ZMAT5: variants seen among roughly 807,000 people sequenced by gnomAD.
ZMAT5 encodes the protein zinc finger matrin-type 5, also known as zinc finger matrin-type protein 5.
ZMAT5 carries 23 observed loss-of-function variants against 28.0 expected under a neutral mutation model. That is an observed-to-expected ratio of 0.82 (90% confidence interval 0.59 to 1.16). The LOEUF (loss-of-function observed/expected upper bound fraction) is 1.16. Among genes scored for constraint, ZMAT5 ranks in the 50% most tolerant of loss-of-function variants. The pLI is 0.00. For synonymous variants in ZMAT5, 76 were observed against 84.1 expected, an observed-to-expected ratio of 0.90 and a Z score of 0.52; for missense variants, 173 against 212.7, an observed-to-expected ratio of 0.81 and a Z score of 1.16.
intron 1 of ZMAT5, among the ~76,000 whole-genome samples, chr22:29,762,460 A>G (rs375514019): frequency 2.0e-5 from 3 of 152,174 alleles, no homozygotes; most frequent in African/African-American, 7.2e-5. Context: ...GCCACTCCCC[A>G]TTGCTCGCAT....
intron 1 of ZMAT5, among the ~76,000 whole-genome samples, chr22:29,752,082 A>G (rs976857171): frequency 3.3e-5 from 5 of 152,176 alleles, no homozygotes; most frequent in Non-Finnish European, 7.3e-5. Flanking sequence ...GTGGATTATA[A>G]TCTCATTCAT....
At chr22:29,732,292 C>CA (rs1317102881) in intron 5 of ZMAT5, among the ~76,000 whole-genome samples, 1 of 152,238 alleles carries the variant, frequency 6.6e-6, no homozygotes. Flanking sequence ...GGCAGAGCCT[C>CA]AAAAACATGC....
At chr22:29,735,574 G>A (rs1226536615) in intron 5 of ZMAT5, among the ~76,000 whole-genome samples, 1 of 152,256 alleles carries the variant, frequency 6.6e-6, no homozygotes, top group Admixed American at 6.5e-5. Flanking sequence ...GAGGCAGCCT[G>A]GGGTCTAGAC....
Position 29,731,332 on chromosome 22 carries a change from C to T in ZMAT5, c.406G>A (p.Val136Ile). The T allele has an allele frequency of 6.5e-7, 1 of 1,539,610 alleles. No individual in the cohort carries two copies. Among genetic ancestry groups the T allele is most frequent in the Non-Finnish European group, 8.7e-7 (1 of 1,153,096 alleles). The change falls in exon 6 of 6, where the codon GTC becomes ATC. Residue 136 changes from valine to isoleucine, a missense_variant. Coordinates refer to ENST00000344318, the MANE Select transcript of ZMAT5 (RefSeq NM_001003692.2). Reference protein sequence around the residue: ...SSRAEPIRTTVFQYPVGWPPV... With the variant: ...SSRAEPIRTTIFQYPVGWPPV... ...GGCCAGCCCACGGGGTACTGGAAGA[C>T]AGTGGTTCTGATGGGTTCAGCCCTA...
chr22:29,748,223 C>A lies in ZMAT5; in HGVS notation c.127+195G>T, dbSNP rs1366764621. Reference sequence around the variant, plus strand: ...AGGGCCTTCCTCCTGTCCACAGAGCCTTCAGTCAGCGTTGTTGGGGAAAGA... The same window carrying A: ...AGGGCCTTCCTCCTGTCCACAGAGCATTCAGTCAGCGTTGTTGGGGAAAGA... On this transcript the variant is annotated intron_variant, in intron 2 of 5. Coordinates refer to ENST00000344318, the MANE Select transcript of ZMAT5 (RefSeq NM_001003692.2). 2.2e-5 allele frequency: 16 copies of A among 721,132 alleles called. No individual in the cohort carries two copies. In the East Asian group the frequency reaches 3.0e-4, roughly 14 times the overall value. 44.7% of individuals were successfully genotyped at this position (721,132 alleles called of 1,614,324 possible).
intron 4 of ZMAT5, 144 bp from the exon 5 acceptor site, chr22:29,738,585 G>C: frequency 3.1e-6 from 2 of 648,092 alleles, no homozygotes; most frequent in South Asian, 3.6e-5. Context: ...CACCTGGACT[G>C]CTTCTCCAGG....
intron 2 of ZMAT5, 110 bp downstream of exon 2, chr22:29,748,308 T>C (rs781608421): frequency 2.6e-6 from 4 of 1,533,140 alleles, no homozygotes; most frequent in Non-Finnish European, 3.6e-6. Flanking sequence ...TCTCTTTTGA[T>C]CCTCAAAGAG....
chr22:29,734,640 C>T (rs1240423115), intron 5 of ZMAT5, among the ~76,000 whole-genome samples: 1 of 151,982 alleles, frequency 6.6e-6, no homozygotes, highest in East Asian at 1.9e-4. Context: ...ACAAGTCTGA[C>T]TCTGCCAGGC....
chr22:29,758,572 G>A (rs2068126158), intron 1 of ZMAT5, among the ~76,000 whole-genome samples: 5 of 152,086 alleles, frequency 3.3e-5, no homozygotes, highest in Non-Finnish European at 4.4e-5. Context: ...GCAGTGAGCC[G>A]AGATCATGCC....
intron 1 of ZMAT5, among the ~76,000 whole-genome samples, chr22:29,766,491 C>A (rs1186589038): frequency 6.6e-6 from 1 of 152,228 alleles, no homozygotes; most frequent in African/African-American, 2.4e-5. Context: ...TTGTTCACTG[C>A]TGGGTCCCCA....
At chr22:29,765,348 G>A (rs1053069279) in intron 1 of ZMAT5, among the ~76,000 whole-genome samples, 4 of 151,984 alleles carry the variant, frequency 2.6e-5, no homozygotes, top group Non-Finnish European at 5.9e-5. Flanking sequence ...GAACATGGGT[G>A]GCAGAGGTTG....
At chr22:29,738,806 C>G (rs952693531) in intron 4 of ZMAT5, among the ~76,000 whole-genome samples, 1 of 151,972 alleles carries the variant, frequency 6.6e-6, no homozygotes, top group Non-Finnish European at 1.5e-5. Flanking sequence ...GAGTTTGAAA[C>G]CAGCCTGGCC....
chr22:29,757,256 A>C (rs1443961661), intron 1 of ZMAT5, among the ~76,000 whole-genome samples: 2 of 151,602 alleles, frequency 1.3e-5, no homozygotes, highest in South Asian at 2.1e-4. Flanking sequence ...AAAAAAAAAA[A>C]ACAGAAAGAA....
chr22:29,757,374 C>G (rs147248862), intron 1 of ZMAT5, among the ~76,000 whole-genome samples: 2 of 152,134 alleles, frequency 1.3e-5, no homozygotes, highest in Non-Finnish European at 2.9e-5. Context: ...CACAACTACT[C>G]TAATCACCAA....
At chr22:29,757,835 T>A (rs1026884836) in intron 1 of ZMAT5, among the ~76,000 whole-genome samples, 1 of 152,142 alleles carries the variant, frequency 6.6e-6, no homozygotes, top group Non-Finnish European at 1.5e-5. Context: ...CTGACCAACA[T>A]GGGGAAACCT....
At chr22:29,747,875 A>T (rs1441460056) in intron 2 of ZMAT5, 2 of 176,594 alleles carry the variant, frequency 1.1e-5, no homozygotes, top group Middle Eastern at 2.8e-3. Flanking sequence ...CTCCCCACGA[A>T]GCAGTCTGCG....
chr22:29,736,467 C>A (rs1328099400), intron 5 of ZMAT5, among the ~76,000 whole-genome samples: 3 of 152,162 alleles, frequency 2.0e-5, no homozygotes, highest in Admixed American at 2.0e-4. Context: ...TGCCTGTAAT[C>A]CCAGCACTCT....
chr22:29,766,393 C>G (rs1371025385), intron 1 of ZMAT5, among the ~76,000 whole-genome samples: 6 of 152,226 alleles, frequency 3.9e-5, no homozygotes, highest in Non-Finnish European at 8.8e-5. Flanking sequence ...CACTGCCTCT[C>G]CAGTCAACCA....
intron 2 of ZMAT5, 100 bp downstream of exon 2, chr22:29,748,318 G>T (rs1431290767): frequency 4.5e-6 from 7 of 1,567,828 alleles, no homozygotes; most frequent in South Asian, 1.1e-5. Context: ...TCCTCAAAGA[G>T]CCCAGACCTA....
Sources: gnomAD v4.1 joint callset for allele counts (sites outside exome capture counted in the v4.1 genomes callset) on GRCh38, gnomAD v4.1.1 for gene constraint, MANE v1.5 for transcripts, NCBI Gene and HGNC (gene_info 2026-07-23, HGNC 2026-07-21) for gene names.